Variants in MFSD11 observed in about 807,000 individuals in gnomAD.
MFSD11 encodes major facilitator superfamily domain containing 11, also known as UNC93-like protein MFSD11.
In MFSD11, 36 loss-of-function variants were observed where a neutral mutation model predicts 53.5. That is an observed-to-expected ratio of 0.67 (90% CI 0.52 to 0.89). MFSD11 has a LOEUF of 0.89. MFSD11 is among the 40% of genes least tolerant of loss of function. The pLI is 0.00. For synonymous variants in MFSD11, 186 were observed against 184.9 expected, an observed-to-expected ratio of 1.01 and a Z score of -0.05; for missense variants, 530 against 543.9, an observed-to-expected ratio of 0.97 and a Z score of 0.25.
Position 76,776,482 on chromosome 17 carries a change from T to C in MFSD11, c.1126T>C (p.Leu376=). 1 of 1,614,164 alleles carries C rather than the reference T, an allele frequency of 6.2e-7. No homozygotes were observed. The highest frequency in any genetic ancestry group is 8.5e-7 in the Non-Finnish European group (1 of 1,180,032). ...SCFNTQLLSI[L]GFLYSEDSAP... is the part of the protein sequence containing the mutation. Reference sequence around the variant, plus strand: ...CTTTAATACCCAGCTGCTTAGTATCTTGGGCTTTCTGTATTCTGAAGACAG... The same window carrying C: ...CTTTAATACCCAGCTGCTTAGTATCCTGGGCTTTCTGTATTCTGAAGACAG... Residue 376 remains leucine, a synonymous_variant, in exon 12 of 13, where the codon TTG becomes CTG. Transcript: ENST00000685175. The surrounding 1 kb of genome is among the most constrained non-coding windows in gnomAD (Gnocchi z 4.2).
chr17:76,753,986 G>C (rs746133920), intron 7 of MFSD11, 61 bp from the exon 8 acceptor site: 2 of 1,365,802 alleles, frequency 1.5e-6, no homozygotes, highest in African/African-American at 1.5e-5. Context: ...AAATGTGATC[G>C]TATGTTTGTT....
In MFSD11 at chr17:76,767,433, A is replaced by G; in HGVS notation, c.730A>G (p.Ile244Val). Residue 244 changes from isoleucine to valine, a missense_variant, in exon 9 of 13, where the codon ATT (isoleucine) becomes GTT (valine). Ile to Val is a conservative substitution (Grantham distance 29). Transcript: ENST00000685175. ...CACCAAGGAGATGCTCCTTCTTAGT[A>G]TTACAACTGCTTATACAGGTAATGG... ...CVTKEMLLLS[I>V]TTAYTGLELT... 1 of 1,596,800 alleles carries G rather than the reference A, an allele frequency of 6.3e-7. No individual in the cohort carries two copies. Among genetic ancestry groups the G allele is most frequent in the Non-Finnish European group, 8.6e-7 (1 of 1,165,234 alleles).
chr17:76,791,690 T>C, the MFSD11 span, among the ~76,000 whole-genome samples: 1 of 148,852 alleles, frequency 6.7e-6, no homozygotes, highest in East Asian at 1.9e-4. Flanking sequence ...CAGGAAATGA[T>C]TTGTTTGGCA....
At chr17:76,792,637 G>A in the MFSD11 span, among the ~76,000 whole-genome samples, 1 of 151,338 alleles carries the variant, frequency 6.6e-6, no homozygotes. Flanking sequence ...TGGAACCTGT[G>A]AATATGTTAG....
chr17:76,760,141 G>A (rs981741687), intron 8 of MFSD11, among the ~76,000 whole-genome samples: 9 of 150,938 alleles, frequency 6.0e-5, no homozygotes, highest in South Asian at 4.2e-4. Context: ...GGTGGCTGGC[G>A]CCTATAATCC....
At position 76,779,254 on chromosome 17, in the gene MFSD11, CAAAAAAAAAAAAA is replaced by C. The variant is rs943666105; in HGVS notation, c.*910_*922del. ...GGATGACAAGAGTGAAACTCCATCTCAAAAAAAAAAAAAAAAAAAAGAAAAGAAAATAATAATG... is the reference window on the plus strand; with the variant it reads ...GGATGACAAGAGTGAAACTCCATCTCAAAAAAAGAAAAGAAAATAATAATG... On this transcript the variant is annotated 3_prime_UTR_variant, in exon 13 of 13. Coordinates refer to ENST00000685175, the MANE Select transcript of MFSD11 (RefSeq NM_001242532.5). The C allele has an allele frequency of 2.0e-5, 1 of 48,868 alleles. No individual in the cohort carries two copies. 3.0% of individuals were successfully genotyped at this position (48,868 alleles called of 1,614,324 possible). A position where few individuals can be genotyped will look rare whatever the true frequency, so the allele number is the denominator to read the frequency against.
At chr17:76,746,790 T>C (rs1691127952) in intron 7 of MFSD11, among the ~76,000 whole-genome samples, 1 of 152,214 alleles carries the variant, frequency 6.6e-6, no homozygotes, top group Admixed American at 6.5e-5. Flanking sequence ...AAAATATTAC[T>C]GCTTATTGAC....
chr17:76,803,108 A>C, the MFSD11 span, among the ~76,000 whole-genome samples: 8 of 152,150 alleles, frequency 5.3e-5, no homozygotes, highest in African/African-American at 1.7e-4. Context: ...AGGAGGTGAG[A>C]TCGTGCCACT....
At chr17:76,791,876 C>A in the MFSD11 span, among the ~76,000 whole-genome samples, 2 of 146,372 alleles carry the variant, frequency 1.4e-5, no homozygotes, top group African/African-American at 2.6e-5. Context: ...TGTTCCCCCC[C>A]GCCCCGAGAG....
At chr17:76,798,596 G>A in the MFSD11 span, among the ~76,000 whole-genome samples, 7 of 152,166 alleles carry the variant, frequency 4.6e-5, no homozygotes, top group African/African-American at 7.2e-5. Context: ...TCCAAGGCTT[G>A]TAGGAGTTCT....
intron 10 of MFSD11, among the ~76,000 whole-genome samples, chr17:76,772,784 G>A (rs2081486518): frequency 6.6e-6 from 1 of 152,084 alleles, no homozygotes; most frequent in African/African-American, 2.4e-5. Context: ...CCAAAGTGCT[G>A]GAATTACAGG....
Position 76,744,440 on chromosome 17 carries a change from T to C in MFSD11, c.615T>C (p.Ser205=). 6.2e-7 allele frequency: 1 copy of C among 1,613,358 alleles called. No individual in the cohort carries two copies. The highest frequency in any genetic ancestry group is 8.5e-7 in the Non-Finnish European group (1 of 1,179,776). Residue 205 remains serine (S), a synonymous_variant, in exon 7 of 13, where the codon TCT becomes TCC. Coordinates refer to ENST00000685175, the MANE Select transcript of MFSD11 (RefSeq NM_001242532.5). ...ATGTCCTAGGAGAAGATGAGTCTTC[T>C]GATGACCAGGACATGGAAGTCAACG... ...SENVLGEDES[S]DDQDMEVNES...
chr17:76,796,898 G>A, the MFSD11 span, among the ~76,000 whole-genome samples: 20 of 151,970 alleles, frequency 1.3e-4, no homozygotes, highest in East Asian at 2.9e-3. Context: ...GGTTGGGCAC[G>A]GTGGCTCATG....
the MFSD11 span, among the ~76,000 whole-genome samples, chr17:76,791,754 G>C: frequency 1.5e-4 from 22 of 148,920 alleles, 3 homozygotes; most frequent in Non-Finnish European, 7.4e-5. Context: ...CAAACCCTTT[G>C]ACTTAGGAAC....
the MFSD11 span, among the ~76,000 whole-genome samples, chr17:76,790,396 C>T: frequency 6.9e-4 from 101 of 146,198 alleles, 1 homozygote; most frequent in African/African-American, 2.5e-3. Flanking sequence ...GGCTGGAGGG[C>T]AGTGGCGTGA....
the MFSD11 span, among the ~76,000 whole-genome samples, chr17:76,794,616 T>G: frequency 7.4e-6 from 1 of 135,220 alleles, no homozygotes; most frequent in Non-Finnish European, 1.5e-5. Flanking sequence ...CACTTCAACC[T>G]TGGCGACAGA....
At chr17:76,762,528 G>C (rs888953429) in intron 8 of MFSD11, among the ~76,000 whole-genome samples, 2 of 152,064 alleles carry the variant, frequency 1.3e-5, no homozygotes, top group African/African-American at 4.8e-5. Context: ...TTAGCCAGGC[G>C]TAGTGGCGGG....
At chr17:76,803,574 C>T in the MFSD11 span, among the ~76,000 whole-genome samples, 1 of 152,172 alleles carries the variant, frequency 6.6e-6, no homozygotes, top group African/African-American at 2.4e-5. Flanking sequence ...TCTGGCACCA[C>T]CCAGATCGAT....
Position 76,778,256 on chromosome 17 carries a change from G to A in MFSD11, c.1254G>A (p.Met418Ile). 6.2e-7 allele frequency: 1 copy of A among 1,614,166 alleles called. No individual in the cohort carries two copies. The highest frequency in any genetic ancestry group is 2.2e-5 in the East Asian group (1 of 44,892). The change falls in exon 13 of 13, where the codon ATG becomes ATA. Residue 418 changes from methionine to isoleucine, a missense_variant. Physicochemically the swap from Met to Ile is conservative, Grantham distance 10. Transcript: ENST00000685175. Reference sequence around the variant, plus strand: ...TCCTTCACTGGCAACTCCTGGTCATGGTGATATTTGGGTTTTTTGGAACAA... The same window carrying A: ...TCCTTCACTGGCAACTCCTGGTCATAGTGATATTTGGGTTTTTTGGAACAA... ...YLLLHWQLLV[M>I]VIFGFFGTIS...
Sources: allele counts gnomAD v4.1 joint callset (sites outside exome capture counted in the v4.1 genomes callset), GRCh38; gene constraint gnomAD v4.1.1; non-coding constraint Gnocchi (gnomAD v3.1); transcripts MANE v1.5; gene names NCBI Gene and HGNC (gene_info 2026-07-23, HGNC 2026-07-21).